The following HDAC4 variants were observed in gnomAD, a reference collection of about 807,000 sequenced individuals.
HDAC4 encodes the protein histone deacetylase 4, also known as histone deacetylase A.
Under a neutral mutation model 135.1 loss-of-function variants are expected in HDAC4, and 16 were observed. The observed-to-expected ratio is 0.12, with a 90% CI of 0.08 to 0.18. HDAC4 has a LOEUF of 0.18. Among genes scored for constraint, HDAC4 ranks in the 10% least tolerant of loss-of-function variants. The probability of loss-of-function intolerance (pLI) is 1.00; values close to 1 mark genes in which losing one functional copy is unlikely to be tolerated. For missense variants in HDAC4, 1,143 were observed against 1,511.8 expected, an observed-to-expected ratio of 0.76 and a Z score of 4.05; for synonymous variants, 685 against 653.4, an observed-to-expected ratio of 1.05 and a Z score of -0.74.
At chr2:239,112,754 G>C (rs1011615669) in intron 13 of HDAC4, among the ~76,000 whole-genome samples, 9 of 152,348 alleles carry the variant, frequency 5.9e-5, no homozygotes, top group African/African-American at 2.2e-4. Context: ...AAGAAAGCCG[G>C]GCGCCTCCTT....
At chr2:239,204,259 A>G (rs563505922) in intron 3 of HDAC4, among the ~76,000 whole-genome samples, 1 of 152,306 alleles carries the variant, frequency 6.6e-6, no homozygotes, top group Non-Finnish European at 1.5e-5. Context: ...GCAGATAGAC[A>G]GCCGACCACA....
Position 239,261,070 on chromosome 2 carries a change from A to G in HDAC4, c.23-24406T>C, listed in dbSNP as rs141412458. ...CTAAGGTTTCAGGTGGACGTTCTGG[A>G]TGTTTTGTTTGTTTCTGTAGAGACA... is the stretch of plus-strand genomic sequence containing the variant. On this transcript the variant is annotated intron_variant, in intron 2 of 26. Coordinates refer to ENST00000543185, the MANE Select transcript of HDAC4 (RefSeq NM_001378414.1). Among the ~76,000 whole-genome samples, 216 of 152,236 alleles carry G rather than the reference A, an allele frequency of 1.4e-3. 4 individuals are homozygous for G. The highest frequency in any genetic ancestry group is 0.011 in the Admixed American group (167 of 15,298).
At chr2:239,060,529 C>A (rs1203198024) in intron 24 of HDAC4, among the ~76,000 whole-genome samples, 1 of 152,228 alleles carries the variant, frequency 6.6e-6, no homozygotes, top group Non-Finnish European at 1.5e-5. Flanking sequence ...GAGGAAGGGA[C>A]CCTGGAGCCC....
At chr2:239,295,642 C>T (rs1480443647) in intron 2 of HDAC4, among the ~76,000 whole-genome samples, 2 of 152,222 alleles carry the variant, frequency 1.3e-5, no homozygotes, top group Non-Finnish European at 2.9e-5. Flanking sequence ...TTTGCTGTTT[C>T]CTTTCAAGCT....
chr2:239,163,761 C>T, intron 6 of HDAC4, 42 bp downstream of exon 6: 1 of 1,605,440 alleles, frequency 6.2e-7, no homozygotes, highest in Non-Finnish European at 8.5e-7. Flanking sequence ...TCCTCTGGGC[C>T]CCCAGAGAGG....
At chr2:239,166,329 C>T (rs2043120551) in intron 5 of HDAC4, among the ~76,000 whole-genome samples, 2 of 152,160 alleles carry the variant, frequency 1.3e-5, no homozygotes, top group South Asian at 2.1e-4. Context: ...GAAGGGCCAC[C>T]GTGATGCATG....
At chr2:239,077,294 C>T (rs930197479) in intron 22 of HDAC4, among the ~76,000 whole-genome samples, 8 of 152,250 alleles carry the variant, frequency 5.3e-5, no homozygotes, top group African/African-American at 1.7e-4. Context: ...GGCCCTTCTC[C>T]CATAATGTCC....
intron 12 of HDAC4, among the ~76,000 whole-genome samples, chr2:239,123,941 A>G (rs2039908409): frequency 6.6e-6 from 1 of 151,746 alleles, no homozygotes; most frequent in African/African-American, 2.4e-5. Flanking sequence ...AAACCACAGA[A>G]GACCCTGAGC....
chr2:239,355,134 G>A (rs1163635865), intron 1 of HDAC4, among the ~76,000 whole-genome samples: 1 of 152,190 alleles, frequency 6.6e-6, no homozygotes, highest in Non-Finnish European at 1.5e-5. Flanking sequence ...GTTGTCAGAA[G>A]ATACATAAGT....
At chr2:239,169,476 A>C (rs1307615042) in intron 5 of HDAC4, among the ~76,000 whole-genome samples, 1 of 152,246 alleles carries the variant, frequency 6.6e-6, no homozygotes, top group African/African-American at 2.4e-5. Flanking sequence ...TAAAGTGGAA[A>C]GCAACCCCAC....
At chr2:239,232,910 G>A (rs2047675067) in intron 3 of HDAC4, among the ~76,000 whole-genome samples, 1 of 131,886 alleles carries the variant, frequency 7.6e-6, no homozygotes, top group Non-Finnish European at 1.7e-5. Flanking sequence ...CCAAGCCAAG[G>A]GTGGCCCTTC....
At chr2:239,157,266 T>A (rs916478002) in intron 6 of HDAC4, among the ~76,000 whole-genome samples, 36 of 152,246 alleles carry the variant, frequency 2.4e-4, no homozygotes, top group Non-Finnish European at 8.8e-5. Context: ...CTCTGCCACC[T>A]GGAGAGAAGA....
At chr2:239,102,957 A>T in intron 15 of HDAC4, 61 bp from the exon 16 acceptor site, 1 of 1,607,158 alleles carries the variant, frequency 6.2e-7, no homozygotes. Flanking sequence ...TCAGCTCCAC[A>T]GACAGAAACT....
intron 4 of HDAC4, chr2:239,186,777 G>C (rs141412129): frequency 2.0e-5 from 3 of 152,408 alleles, no homozygotes; most frequent in African/African-American, 7.2e-5. Flanking sequence ...CTGGAGGTGA[G>C]ACCTGGCCTC....
At chr2:239,341,987 C>A (rs1692328381) in intron 2 of HDAC4, among the ~76,000 whole-genome samples, 1 of 152,138 alleles carries the variant, frequency 6.6e-6, no homozygotes, top group Admixed American at 6.5e-5. Flanking sequence ...GAGGACACAG[C>A]AAGAAGGCAC....
chr2:239,137,950 G>C (rs1559496861), intron 9 of HDAC4, among the ~76,000 whole-genome samples: 1 of 152,146 alleles, frequency 6.6e-6, no homozygotes, highest in Non-Finnish European at 1.5e-5. Flanking sequence ...AATTAACACA[G>C]AACTGGAATG....
At chr2:239,250,108 C>A (rs958035565) in intron 2 of HDAC4, among the ~76,000 whole-genome samples, 1 of 152,270 alleles carries the variant, frequency 6.6e-6, no homozygotes, top group South Asian at 2.1e-4. Flanking sequence ...GCAGGGAATA[C>A]CCCGCTCCAC....
chr2:239,201,644 C>T (rs1259355980), intron 3 of HDAC4, among the ~76,000 whole-genome samples: 4 of 152,144 alleles, frequency 2.6e-5, no homozygotes, highest in Non-Finnish European at 5.9e-5. Context: ...GCCCCAGAGG[C>T]ACAGCCAGGC....
At chr2:239,123,817 G>C (rs2039900311) in intron 12 of HDAC4, among the ~76,000 whole-genome samples, 1 of 152,132 alleles carries the variant, frequency 6.6e-6, no homozygotes. Context: ...TCTCCCCACG[G>C]CTTTACCTCT....
Sources: allele counts gnomAD v4.1 joint callset (sites outside exome capture counted in the v4.1 genomes callset), GRCh38; gene constraint gnomAD v4.1.1; transcripts MANE v1.5; gene names NCBI Gene and HGNC (gene_info 2026-07-23, HGNC 2026-07-21).